Variants in TMEM232 observed in about 807,000 individuals in gnomAD.
TMEM232 encodes transmembrane protein 232.
A neutral mutation model predicts 78.8 loss-of-function variants in TMEM232; 80 were observed. That is an observed-to-expected ratio of 1.01 (90% CI 0.85 to 1.22). The LOEUF is 1.22. TMEM232 is among the 50% of genes most tolerant of loss of function. The pLI is 0.00. For missense variants in TMEM232, 881 were observed against 742.2 expected (o/e 1.19, Z -2.17); for synonymous variants, 297 against 254.3 (o/e 1.17, Z -1.60).
intron 2 of TMEM232, among the ~76,000 whole-genome samples, chr5:110,654,756 G>A (rs1425464567): frequency 6.6e-6 from 1 of 152,070 alleles, no homozygotes; most frequent in Non-Finnish European, 1.5e-5. Context: ...CCATTTTCAC[G>A]ATATTGATTC....
intron 7 of TMEM232, among the ~76,000 whole-genome samples, chr5:110,619,916 T>C (rs1783418805): frequency 2.0e-5 from 3 of 151,948 alleles, no homozygotes; most frequent in African/African-American, 7.2e-5. Context: ...TAAAGCATAA[T>C]ATTAAAAAAA....
intron 12 of TMEM232, among the ~76,000 whole-genome samples, chr5:110,474,663 A>T (rs1463064920): frequency 1.3e-5 from 2 of 151,962 alleles, no homozygotes; most frequent in Non-Finnish European, 2.9e-5. Context: ...AAATAAAGAT[A>T]CCCACTTATA....
intron 8 of TMEM232, among the ~76,000 whole-genome samples, chr5:110,609,581 T>A (rs1423209800): frequency 6.6e-6 from 1 of 151,886 alleles, no homozygotes; most frequent in South Asian, 2.1e-4. Context: ...GTATACAGTG[T>A]CTATAGGCAT....
intron 12 of TMEM232, among the ~76,000 whole-genome samples, chr5:110,498,934 G>A (rs1240221779): frequency 6.6e-6 from 1 of 152,086 alleles, no homozygotes; most frequent in African/African-American, 2.4e-5. Flanking sequence ...ACTCTTCACG[G>A]AGTTACTGGA....
At chr5:110,585,447 C>T (rs1414275440) in intron 10 of TMEM232, among the ~76,000 whole-genome samples, 1 of 152,058 alleles carries the variant, frequency 6.6e-6, no homozygotes, top group Non-Finnish European at 1.5e-5. Context: ...ATAGATTAAG[C>T]TTTAATTGTT....
At chr5:110,687,890 T>C (rs1383206932) in intron 1 of TMEM232, among the ~76,000 whole-genome samples, 1 of 151,916 alleles carries the variant, frequency 6.6e-6, no homozygotes, top group African/African-American at 2.4e-5. Flanking sequence ...ATTTGCAGAG[T>C]AGTGTGAAGG....
chr5:110,411,144 CCTCT>C (rs1755981453), intron 2 of TMEM232, among the ~76,000 whole-genome samples: 1 of 152,084 alleles, frequency 6.6e-6, no homozygotes, highest in Non-Finnish European at 1.5e-5. Context: ...GGCCCATGTT[CCTCT>C]AGTTTGCTGT....
chr5:110,674,841 T>A (rs1791819518), intron 1 of TMEM232, among the ~76,000 whole-genome samples: 2 of 152,192 alleles, frequency 1.3e-5, no homozygotes, highest in South Asian at 4.1e-4. Context: ...CTATTTTTCA[T>A]TGCAACTTTA....
chr5:110,548,962 A>T (rs1252067703), intron 11 of TMEM232, among the ~76,000 whole-genome samples: 1 of 151,980 alleles, frequency 6.6e-6, no homozygotes, highest in African/African-American at 2.4e-5. Flanking sequence ...ATATAAATGT[A>T]ACAATAAAAG....
chr5:110,722,369 C>G (rs1055869082), intron 1 of TMEM232, among the ~76,000 whole-genome samples: 1 of 152,134 alleles, frequency 6.6e-6, no homozygotes, highest in Non-Finnish European at 1.5e-5. Flanking sequence ...AGTCAAATGG[C>G]AGCTGCAGGT....
intron 12 of TMEM232, among the ~76,000 whole-genome samples, chr5:110,446,062 C>A: frequency 6.6e-6 from 1 of 152,162 alleles, no homozygotes; most frequent in East Asian, 1.9e-4. Flanking sequence ...AGGCTGCCTT[C>A]CATAGGGGTG....
At chr5:110,513,176 T>A (rs919114375) in intron 12 of TMEM232, among the ~76,000 whole-genome samples, 2 of 152,202 alleles carry the variant, frequency 1.3e-5, no homozygotes, top group African/African-American at 4.8e-5. Context: ...GCAGATAAAC[T>A]GAGTTATATA....
At chr5:110,456,372 T>TA (rs546698907) in intron 12 of TMEM232, among the ~76,000 whole-genome samples, 6 of 151,948 alleles carry the variant, frequency 3.9e-5, no homozygotes, top group Admixed American at 3.3e-4. Flanking sequence ...TGCAACAAAG[T>TA]AAAAAAATTG....
intron 12 of TMEM232, among the ~76,000 whole-genome samples, chr5:110,466,917 T>TGG (rs34835497): frequency 6.8e-6 from 1 of 146,296 alleles, no homozygotes; most frequent in Non-Finnish European, 1.5e-5. Context: ...TGTGTGTGTG[T>TGG]GGTGTATGCT....
intron 12 of TMEM232, among the ~76,000 whole-genome samples, chr5:110,504,759 A>G (rs1446011478): frequency 1.3e-5 from 2 of 152,192 alleles, no homozygotes; most frequent in Non-Finnish European, 2.9e-5. Context: ...GACAAGGGCC[A>G]CCCAAATTAG....
At chr5:110,455,268 C>T (rs1291105437) in intron 12 of TMEM232, among the ~76,000 whole-genome samples, 1 of 152,130 alleles carries the variant, frequency 6.6e-6, no homozygotes, top group African/African-American at 2.4e-5. Context: ...ATGAAAGTAA[C>T]ATTTCGCAAT....
Position 110,606,084 on chromosome 5 carries a change from C to T in TMEM232, c.1026+80G>A, listed in dbSNP as rs540118429. 1.4e-5 allele frequency: 20 copies of T among 1,380,162 alleles called. No homozygotes were observed. In the East Asian group the frequency reaches 1.5e-4, roughly 11 times the overall value. 85.5% of individuals were successfully genotyped at this position (1,380,162 alleles called of 1,614,324 possible). On this transcript the variant is annotated intron_variant, in intron 9 of 13. Transcript: ENST00000455884. ...GTTATGCATACTATATGCGCTAATACGATATACAATTTAAATAGTGGCAAA... is the reference window on the plus strand; with the variant it reads ...GTTATGCATACTATATGCGCTAATATGATATACAATTTAAATAGTGGCAAA...
At chr5:110,467,241 GC>G (rs1762179784) in intron 12 of TMEM232, among the ~76,000 whole-genome samples, 1 of 152,156 alleles carries the variant, frequency 6.6e-6, no homozygotes, top group African/African-American at 2.4e-5. Context: ...AGAGAGGTAG[GC>G]TAACCCTCCC....
intron 12 of TMEM232, among the ~76,000 whole-genome samples, chr5:110,470,146 TG>T (rs1433954631): frequency 1.3e-5 from 2 of 152,120 alleles, no homozygotes; most frequent in Non-Finnish European, 2.9e-5. Flanking sequence ...TGAACCTTGT[TG>T]GTTCTGTTTC....
Sources: gnomAD v4.1 joint callset for allele counts (sites outside exome capture counted in the v4.1 genomes callset) on GRCh38, gnomAD v4.1.1 for gene constraint, MANE v1.5 for transcripts, NCBI Gene and HGNC (gene_info 2026-07-23, HGNC 2026-07-21) for gene names.